Variants in SNX3 observed in about 807,000 individuals in gnomAD.
SNX3 encodes sorting nexin 3.
Under a neutral mutation model 17.7 loss-of-function variants are expected in SNX3, and 5 were observed. The observed-to-expected ratio is 0.28, with a 90% confidence interval of 0.15 to 0.59. The LOEUF (loss-of-function observed/expected upper bound fraction) is 0.59. Among genes scored for constraint, SNX3 ranks in the 20% least tolerant of loss-of-function variants. SNX3 has a pLI of 0.88. For synonymous variants in SNX3, 91 were observed against 76.5 expected, an observed-to-expected ratio of 1.19 and a Z score of -0.99; for missense variants, 132 against 206.8, an observed-to-expected ratio of 0.64 and a Z score of 2.22.
intron 1 of SNX3, among the ~76,000 whole-genome samples, chr6:108,248,667 C>T (rs1775762178): frequency 6.6e-6 from 1 of 152,212 alleles, no homozygotes; most frequent in South Asian, 2.1e-4. Flanking sequence ...TCAACATAAT[C>T]TGGCCTTCTA....
intron 1 of SNX3, among the ~76,000 whole-genome samples, chr6:108,255,181 G>C (rs975534842): frequency 3.9e-5 from 6 of 152,248 alleles, no homozygotes; most frequent in South Asian, 4.1e-4. Flanking sequence ...ATTAGATAAG[G>C]ACAGAATCTT....
intron 1 of SNX3, among the ~76,000 whole-genome samples, chr6:108,240,282 G>A (rs931833742): frequency 2.0e-5 from 3 of 152,118 alleles, no homozygotes; most frequent in Admixed American, 6.5e-5. Flanking sequence ...GCAGTGGTGC[G>A]ACCTCGGCTC....
At chr6:108,238,427 T>G (rs1349810538) in intron 1 of SNX3, among the ~76,000 whole-genome samples, 1 of 152,144 alleles carries the variant, frequency 6.6e-6, no homozygotes, top group Admixed American at 6.5e-5. Flanking sequence ...ACAAAAATTT[T>G]CTAAGTATAC....
At chr6:108,215,671 T>C (rs1272200150) in intron 2 of SNX3, among the ~76,000 whole-genome samples, 3 of 152,148 alleles carry the variant, frequency 2.0e-5, no homozygotes, top group Non-Finnish European at 4.4e-5. Flanking sequence ...CCAGGTGCAG[T>C]GGCTCACATC....
intron 2 of SNX3, among the ~76,000 whole-genome samples, chr6:108,219,367 A>T (rs765272826): frequency 1.4e-4 from 21 of 152,324 alleles, no homozygotes; most frequent in South Asian, 2.1e-4. Context: ...GCACTTTGGG[A>T]GGCCAAGGCA....
At chr6:108,253,175 A>T (rs1192004593) in intron 1 of SNX3, among the ~76,000 whole-genome samples, 1 of 152,212 alleles carries the variant, frequency 6.6e-6, no homozygotes, top group Non-Finnish European at 1.5e-5. Flanking sequence ...TCACCAGGAT[A>T]GCTCAAAGCA....
chr6:108,232,241 A>T (rs1187614872), intron 1 of SNX3, among the ~76,000 whole-genome samples: 1 of 152,232 alleles, frequency 6.6e-6, no homozygotes, highest in Non-Finnish European at 1.5e-5. Flanking sequence ...ATACTCTTAA[A>T]CTACTATTTT....
At chr6:108,226,362 C>T (rs1401842517) in intron 1 of SNX3, among the ~76,000 whole-genome samples, 2 of 152,182 alleles carry the variant, frequency 1.3e-5, no homozygotes, top group African/African-American at 2.4e-5. Flanking sequence ...GCATGAGCCA[C>T]CGTGCCCAGC....
chr6:108,224,738 C>T (rs1260541518), intron 1 of SNX3, among the ~76,000 whole-genome samples: 1 of 152,148 alleles, frequency 6.6e-6, no homozygotes, highest in Non-Finnish European at 1.5e-5. Context: ...ATGGGTCTTA[C>T]CCCTAGTAGG....
chr6:108,222,202 G>A (rs1394684009), intron 2 of SNX3: 1 of 1,303,150 alleles, frequency 7.7e-7, no homozygotes, highest in Non-Finnish European at 1.0e-6. Context: ...TCTAGTTCAG[G>A]ACTCCTACCA....
intron 1 of SNX3, among the ~76,000 whole-genome samples, chr6:108,229,340 G>A (rs376516664): frequency 4.0e-5 from 6 of 151,058 alleles, no homozygotes; most frequent in African/African-American, 1.5e-4. Context: ...AAGCACGGAA[G>A]AATTGACAAT....
intron 2 of SNX3, among the ~76,000 whole-genome samples, chr6:108,219,431 C>T (rs1224007913): frequency 1.3e-5 from 2 of 152,026 alleles, no homozygotes; most frequent in Non-Finnish European, 2.9e-5. Flanking sequence ...CATAGTGAAG[C>T]CTCATCCTTA....
intron 1 of SNX3, among the ~76,000 whole-genome samples, chr6:108,236,382 T>A (rs1158757122): frequency 0.012 from 1,694 of 137,478 alleles, 9 homozygotes; most frequent in African/African-American, 0.035. Context: ...ATTATTATTT[T>A]TTTTTTTTTT....
At chr6:108,240,847 GA>G (rs1475897640) in intron 1 of SNX3, among the ~76,000 whole-genome samples, 13 of 152,040 alleles carry the variant, frequency 8.6e-5, no homozygotes, top group Admixed American at 8.5e-4. Context: ...GTGGAGGTCT[GA>G]AAATCTGTGT....
intron 1 of SNX3, among the ~76,000 whole-genome samples, chr6:108,228,635 T>A (rs188894974): frequency 1.8e-4 from 27 of 152,122 alleles, no homozygotes; most frequent in South Asian, 1.5e-3. Flanking sequence ...AGGCTGAGGC[T>A]GCATGAGCTG....
intron 1 of SNX3, among the ~76,000 whole-genome samples, chr6:108,225,666 T>A (rs1774953114): frequency 6.6e-6 from 1 of 151,628 alleles, no homozygotes; most frequent in Non-Finnish European, 1.5e-5. Flanking sequence ...TGCTACCAAA[T>A]CCAATAAAAA....
chr6:108,234,371 G>A (rs1269771761), intron 1 of SNX3, among the ~76,000 whole-genome samples: 1 of 152,002 alleles, frequency 6.6e-6, no homozygotes, highest in Non-Finnish European at 1.5e-5. Flanking sequence ...TGGCCAATAT[G>A]GCAAAACCCG....
chr6:108,233,066 C>G (rs1775221307), intron 1 of SNX3, among the ~76,000 whole-genome samples: 1 of 152,178 alleles, frequency 6.6e-6, no homozygotes, highest in South Asian at 2.1e-4. Context: ...AAGAAGTATC[C>G]TTTATGGTAT....
chr6:108,247,354 A>T (rs1194313001), intron 1 of SNX3, among the ~76,000 whole-genome samples: 1 of 151,954 alleles, frequency 6.6e-6, no homozygotes, highest in African/African-American at 2.4e-5. Context: ...AGAATGATGA[A>T]GTGGTCAATA....
Sources: allele counts gnomAD v4.1 joint callset (sites outside exome capture counted in the v4.1 genomes callset), GRCh38; gene constraint gnomAD v4.1.1; transcripts MANE v1.5; gene names NCBI Gene and HGNC (gene_info 2026-07-23, HGNC 2026-07-21).